The following PRKAR1B variants were observed in gnomAD, a reference collection of about 807,000 sequenced individuals.
PRKAR1B encodes protein kinase cAMP-dependent type I regulatory subunit beta, also known as cAMP-dependent protein kinase type I-beta regulatory subunit.
Under a neutral mutation model 46.5 loss-of-function variants are expected in PRKAR1B, and 22 were observed. The ratio of observed to expected loss-of-function variants is 0.47; its 90% CI spans 0.34 to 0.68. PRKAR1B has a LOEUF of 0.68. Ranked by LOEUF, PRKAR1B falls within the 30% of genes least tolerant of loss-of-function variation. PRKAR1B has a pLI of 0.01. For missense variants in PRKAR1B, 445 were observed against 535.6 expected (o/e 0.83, Z 1.67); for synonymous variants, 259 against 217.7 (o/e 1.19, Z -1.67).
upstream of PRKAR1B, chr7:727,313 C>T (rs1441226558): frequency 3.1e-6 from 4 of 1,283,986 alleles, no homozygotes. Context: ...CAGGCCACGC[C>T]CGGTGAGCAC....
chr7:645,680 C>T (rs776607448), intron 4 of PRKAR1B, among the ~76,000 whole-genome samples: 5 of 152,090 alleles, frequency 3.3e-5, no homozygotes, highest in Admixed American at 6.5e-5. Flanking sequence ...GGCAGTGAGA[C>T]GAGTTCCAAG....
At chr7:655,968 GT>G (rs1392817456) in intron 4 of PRKAR1B, among the ~76,000 whole-genome samples, 1 of 152,184 alleles carries the variant, frequency 6.6e-6, no homozygotes, top group African/African-American at 2.4e-5. Context: ...AAGTGGTTGG[GT>G]TTCTCACTGA....
chr7:559,581 C>G (rs1034844498), intron 9 of PRKAR1B, among the ~76,000 whole-genome samples: 1 of 152,198 alleles, frequency 6.6e-6, no homozygotes, highest in Non-Finnish European at 1.5e-5. Flanking sequence ...ATAGCCCAGA[C>G]CAGAGACCGT....
At chr7:690,844 G>T (rs1779374348) in intron 2 of PRKAR1B, among the ~76,000 whole-genome samples, 1 of 152,072 alleles carries the variant, frequency 6.6e-6, no homozygotes, top group Non-Finnish European at 1.5e-5. Flanking sequence ...TGCACAAATG[G>T]GTGCCAGCTC....
intron 9 of PRKAR1B, 134 bp from the exon 10 acceptor site, chr7:551,604 C>T (rs1784205112): frequency 2.3e-5 from 19 of 837,336 alleles, no homozygotes; most frequent in East Asian, 2.1e-4. Flanking sequence ...AGAGCCACTG[C>T]CGACACCACG....
chr7:575,934 G>T (rs1357199226), intron 9 of PRKAR1B, among the ~76,000 whole-genome samples: 1 of 152,078 alleles, frequency 6.6e-6, no homozygotes, highest in South Asian at 2.1e-4. Flanking sequence ...CTCTGCTCAC[G>T]GGCGAACATG....
intron 4 of PRKAR1B, among the ~76,000 whole-genome samples, chr7:647,061 T>C (rs1296750585): frequency 6.6e-6 from 1 of 152,118 alleles, no homozygotes; most frequent in Non-Finnish European, 1.5e-5. Context: ...GAAAGGGGCA[T>C]GGGACGCAAC....
At chr7:691,570 C>A in intron 2 of PRKAR1B, 1 of 1,304,476 alleles carries the variant, frequency 7.7e-7, no homozygotes, top group Non-Finnish European at 1.0e-6. Flanking sequence ...GCCCTTCCGC[C>A]TACACGCAGT....
chr7:604,413 C>A (rs1020528365), intron 6 of PRKAR1B, among the ~76,000 whole-genome samples: 1 of 152,212 alleles, frequency 6.6e-6, no homozygotes, highest in Non-Finnish European at 1.5e-5. Flanking sequence ...CAGTTTCCAT[C>A]TCTAGGGGAG....
chr7:584,835 C>G (rs144886135), intron 7 of PRKAR1B, among the ~76,000 whole-genome samples: 3,089 of 152,230 alleles, frequency 0.02, 40 homozygotes, highest in Middle Eastern at 0.054. Flanking sequence ...CCCCACCCAG[C>G]CAGGACCCGT....
intron 2 of PRKAR1B, among the ~76,000 whole-genome samples, chr7:706,143 T>C (rs564180921): frequency 3.3e-5 from 5 of 152,128 alleles, no homozygotes; most frequent in South Asian, 2.1e-4. Flanking sequence ...CTGGGCAACA[T>C]GGCGAAATCC....
At chr7:674,166 G>A (rs1448934055) in intron 4 of PRKAR1B, among the ~76,000 whole-genome samples, 3 of 152,144 alleles carry the variant, frequency 2.0e-5, no homozygotes, top group Non-Finnish European at 2.9e-5. Context: ...TATCCTGGGG[G>A]GCCTGGACAC....
chr7:550,334 C>T lies in PRKAR1B; in HGVS notation c.*96G>A. On this transcript the variant is annotated 3_prime_UTR_variant, in exon 11 of 11. Coordinates refer to ENST00000537384, the MANE Select transcript of PRKAR1B (RefSeq NM_001164760.2). ...GCTGCCGGGACCCAGCCCCACCCGG[C>T]CCACACCTCACACAGCGGCTCCCGG... 8.3e-7 allele frequency: 1 copy of T among 1,200,248 alleles called. No homozygotes were observed. The highest frequency in any genetic ancestry group is 1.2e-6 in the Non-Finnish European group (1 of 841,744). The allele number at this position is 1,200,248 out of a possible 1,614,324, so 74.3% of individuals were successfully genotyped here.
intron 8 of PRKAR1B, among the ~76,000 whole-genome samples, chr7:583,446 C>CACACCCACACCCACACACG (rs1491586654): frequency 7.5e-6 from 1 of 132,906 alleles, no homozygotes; most frequent in African/African-American, 3.1e-5. Flanking sequence ...ACAGTGCACA[C>CACACCCACACCCACACACG]TCACACCCAC....
intron 7 of PRKAR1B, among the ~76,000 whole-genome samples, chr7:589,673 C>G (rs1400500257): frequency 6.6e-6 from 1 of 152,238 alleles, no homozygotes; most frequent in African/African-American, 2.4e-5. Context: ...GCTCGCACGG[C>G]CAGGCCCCAC....
chr7:707,385 T>C (rs962554999), intron 2 of PRKAR1B, among the ~76,000 whole-genome samples: 3 of 152,180 alleles, frequency 2.0e-5, no homozygotes, highest in Non-Finnish European at 4.4e-5. Context: ...GGCAACCCTT[T>C]CGACAAAAAT....
At chr7:574,262 C>G (rs969697630) in intron 9 of PRKAR1B, among the ~76,000 whole-genome samples, 4 of 152,226 alleles carry the variant, frequency 2.6e-5, no homozygotes, top group Admixed American at 2.6e-4. Flanking sequence ...AACTCAGAAG[C>G]CCCCGAGTGC....
intron 9 of PRKAR1B, among the ~76,000 whole-genome samples, chr7:553,033 G>A (rs1231531189): frequency 2.6e-5 from 4 of 152,234 alleles, no homozygotes; most frequent in Admixed American, 6.5e-5. Context: ...GGCGGGGCTG[G>A]GGTAGCTGAA....
intron 8 of PRKAR1B, among the ~76,000 whole-genome samples, chr7:583,462 CACGTGCACTCACACCCACGCACACACGT>C (rs1780354648): frequency 6.7e-6 from 1 of 148,796 alleles, no homozygotes; most frequent in Non-Finnish European, 1.5e-5. Context: ...CCCACTCACA[CACGTGCACTCACACCCACGCACACACGT>C]GTGTGCACAC....
Sources: allele counts gnomAD v4.1 joint callset (sites outside exome capture counted in the v4.1 genomes callset), GRCh38; gene constraint gnomAD v4.1.1; transcripts MANE v1.5; gene names NCBI Gene and HGNC (gene_info 2026-07-23, HGNC 2026-07-21).